MAD1L1: variants seen among roughly 807,000 people sequenced by gnomAD.
MAD1L1 encodes the protein mitotic arrest deficient 1 like 1, also known as mitotic spindle assembly checkpoint protein MAD1.
Under a neutral mutation model 96.9 loss-of-function variants are expected in MAD1L1, and 95 were observed. That is an observed-to-expected ratio of 0.98 (90% CI 0.83 to 1.16). The LOEUF is 1.16. Ranked by LOEUF, MAD1L1 falls within the 50% of genes most tolerant of loss-of-function variation. The pLI, the probability that MAD1L1 is intolerant of heterozygous loss-of-function variation, is 0.00. For missense variants in MAD1L1, 1,007 were observed against 954.4 expected, an observed-to-expected ratio of 1.06 and a Z score of -0.73; for synonymous variants, 473 against 396.6, an observed-to-expected ratio of 1.19 and a Z score of -2.29.
At chr7:2,117,338 C>T (rs923466036) in intron 11 of MAD1L1, among the ~76,000 whole-genome samples, 1 of 152,218 alleles carries the variant, frequency 6.6e-6, no homozygotes, top group African/African-American at 2.4e-5. Flanking sequence ...GCGGACGGCA[C>T]AGAGGCTGGG....
rs148606599 is a variant in MAD1L1 at position 1,984,344 on chromosome 7, C to A, written c.1417-3803G>T. On this transcript the variant is annotated intron_variant, in intron 14 of 18. Coordinates refer to ENST00000265854, the MANE Select transcript of MAD1L1 (RefSeq NM_001013836.2). Reference sequence around the variant, plus strand: ...AAGGCTTTCTCTATTACCGAATACACAATTAATCTTTGTGAATGTTTTCTA... The same window carrying A: ...AAGGCTTTCTCTATTACCGAATACAAAATTAATCTTTGTGAATGTTTTCTA... 4.6e-5 allele frequency among the ~76,000 whole-genome samples: 7 copies of A among 152,304 alleles called. No homozygotes were observed. In the East Asian group the frequency reaches 1.2e-3, roughly 25 times the overall value.
chr7:2,002,224 T>TG, intron 13 of MAD1L1, 103 bp from the exon 14 acceptor site: 2 of 1,183,822 alleles, frequency 1.7e-6, no homozygotes, highest in Non-Finnish European at 1.2e-6. Flanking sequence ...CTCCACTCTC[T>TG]GGGGAGCAAC....
At chr7:1,898,040 G>A (rs1562501599) in intron 18 of MAD1L1, 160 bp downstream of exon 18, 2 of 744,642 alleles carry the variant, frequency 2.7e-6, no homozygotes, top group African/African-American at 1.7e-5. Flanking sequence ...AAGCCTCAGG[G>A]GGTGACGAGG....
intron 18 of MAD1L1, among the ~76,000 whole-genome samples, chr7:1,838,334 AC>A (rs1192766020): frequency 2.0e-5 from 3 of 152,226 alleles, no homozygotes; most frequent in Non-Finnish European, 4.4e-5. Context: ...ATGGGTGTAC[AC>A]CCAAGAGAAA....
chr7:2,111,241 T>C (rs542428467), intron 11 of MAD1L1, among the ~76,000 whole-genome samples: 1 of 152,138 alleles, frequency 6.6e-6, no homozygotes, highest in South Asian at 2.1e-4. Flanking sequence ...AGATGAAGAC[T>C]AGAGGGGCTC....
intron 11 of MAD1L1, among the ~76,000 whole-genome samples, chr7:2,128,850 T>A (rs532511073): frequency 1.3e-5 from 2 of 152,274 alleles, no homozygotes; most frequent in South Asian, 4.1e-4. Context: ...GGCCCCATCT[T>A]CAGCTCACAC....
chr7:1,866,255 G>A (rs1330603126), intron 18 of MAD1L1, among the ~76,000 whole-genome samples: 2 of 152,154 alleles, frequency 1.3e-5, no homozygotes, highest in Non-Finnish European at 2.9e-5. Flanking sequence ...CAGAGCCCGG[G>A]TGCGCTCTGG....
At chr7:2,123,903 C>T (rs988837925) in intron 11 of MAD1L1, among the ~76,000 whole-genome samples, 5 of 152,244 alleles carry the variant, frequency 3.3e-5, no homozygotes, top group African/African-American at 4.8e-5. Context: ...GGCTTTTTAG[C>T]TTCTCCAAAT....
At chr7:2,043,055 T>C (rs1783760773) in intron 12 of MAD1L1, among the ~76,000 whole-genome samples, 1 of 152,132 alleles carries the variant, frequency 6.6e-6, no homozygotes, top group Non-Finnish European at 1.5e-5. Context: ...CAGACCCTAC[T>C]CTCCACAATC....
In MAD1L1 at chr7:1,816,049, C is replaced by T; in HGVS notation, c.*21G>A. 1 of 1,595,362 alleles carries T rather than the reference C, an allele frequency of 6.3e-7. No individual in the cohort carries two copies. The highest frequency in any genetic ancestry group is 8.5e-7 in the Non-Finnish European group (1 of 1,170,152). Reference sequence around the variant, plus strand: ...GTCAGGCCAAGCAGAGTGGCTCCGGCTATGCCCCCGAGCCTGCAGGCTACG... The same window carrying T: ...GTCAGGCCAAGCAGAGTGGCTCCGGTTATGCCCCCGAGCCTGCAGGCTACG... On this transcript the variant is annotated 3_prime_UTR_variant, in exon 19 of 19. Coordinates refer to ENST00000265854, the MANE Select transcript of MAD1L1 (RefSeq NM_001013836.2).
chr7:1,940,962 C>CAGGCCTCACCCTCCTCTTCCTCT (rs1562545356), intron 16 of MAD1L1, among the ~76,000 whole-genome samples: 15 of 54,900 alleles, frequency 2.7e-4, no homozygotes, highest in Non-Finnish European at 5.3e-4. Flanking sequence ...CTTCCTCCCC[C>CAGGCCTCACCCTCCTCTTCCTCT]CGCAGGCCTC....
intron 11 of MAD1L1, among the ~76,000 whole-genome samples, chr7:2,093,244 CAAAAAA>C (rs10654575): frequency 1.3e-4 from 13 of 101,048 alleles, no homozygotes; most frequent in Non-Finnish European, 1.8e-4. Context: ...GACTCCGTGT[CAAAAAA>C]AAAAAAAAAA....
chr7:1,869,439 G>A (rs1784938189), intron 18 of MAD1L1, among the ~76,000 whole-genome samples: 1 of 152,148 alleles, frequency 6.6e-6, no homozygotes, highest in Non-Finnish European at 1.5e-5. Flanking sequence ...CCAGCCCAGG[G>A]TTGGGCACAG....
At chr7:2,055,319 G>C (rs1784342213) in intron 12 of MAD1L1, among the ~76,000 whole-genome samples, 2 of 152,160 alleles carry the variant, frequency 1.3e-5, no homozygotes, top group South Asian at 4.1e-4. Flanking sequence ...CCAGTCAGCA[G>C]CATCCACATC....
At chr7:1,964,645 AG>A (rs909047105) in intron 15 of MAD1L1, among the ~76,000 whole-genome samples, 1 of 152,208 alleles carries the variant, frequency 6.6e-6, no homozygotes, top group African/African-American at 2.4e-5. Flanking sequence ...AAACACGAGG[AG>A]CGCTACATAA....
At chr7:2,040,272 C>T (rs149687422) in intron 12 of MAD1L1, among the ~76,000 whole-genome samples, 2 of 152,344 alleles carry the variant, frequency 1.3e-5, no homozygotes, top group South Asian at 2.1e-4. Flanking sequence ...GTTTTGAAGA[C>T]GCTGCCTGCT....
chr7:2,000,855 G>A (rs890354576), intron 14 of MAD1L1, among the ~76,000 whole-genome samples: 2 of 152,216 alleles, frequency 1.3e-5, no homozygotes, highest in African/African-American at 2.4e-5. Context: ...CCAGACCCGC[G>A]CGGTGCCCTG....
At chr7:1,922,627 C>T (rs909397116) in intron 17 of MAD1L1, among the ~76,000 whole-genome samples, 2 of 152,214 alleles carry the variant, frequency 1.3e-5, no homozygotes, top group Non-Finnish European at 2.9e-5. Flanking sequence ...GTCCGTGTGC[C>T]TTCGACCTCC....
intron 11 of MAD1L1, among the ~76,000 whole-genome samples, chr7:2,139,876 AAGTAACAATAC>A (rs1788939964): frequency 6.6e-6 from 1 of 152,198 alleles, no homozygotes; most frequent in Non-Finnish European, 1.5e-5. Flanking sequence ...AAATATTAAA[AAGTAACAATAC>A]AGATCAGAAA....
Sources: allele counts gnomAD v4.1 joint callset (sites outside exome capture counted in the v4.1 genomes callset), GRCh38; gene constraint gnomAD v4.1.1; transcripts MANE v1.5; gene names NCBI Gene and HGNC (gene_info 2026-07-23, HGNC 2026-07-21).